The following STAG1 variants were observed in gnomAD, a reference collection of about 807,000 sequenced individuals.
STAG1 encodes cohesin subunit SA-1.
STAG1 carries 26 observed loss-of-function variants against 170.9 expected under a neutral mutation model. That is an observed-to-expected ratio of 0.15 (90% confidence interval 0.11 to 0.21). STAG1 has a LOEUF of 0.21. STAG1 is among the 10% of genes least tolerant of loss of function. The pLI, the probability that STAG1 is intolerant of heterozygous loss-of-function variation, is 1.00. For synonymous variants in STAG1, 514 were observed against 497.7 expected (o/e 1.03, Z -0.44); for missense variants, 964 against 1,509.5 (o/e 0.64, Z 5.99).
At chr3:136,374,979 T>A (rs1937522669) in intron 23 of STAG1, among the ~76,000 whole-genome samples, 2 of 152,172 alleles carry the variant, frequency 1.3e-5, no homozygotes, top group South Asian at 4.1e-4. Flanking sequence ...AGTTGTATTA[T>A]AATTATCTAT....
At position 136,464,895 on chromosome 3, in the gene STAG1, C is replaced by A. The variant is rs1371189484; in HGVS notation, c.1299G>T (p.Glu433Asp). The A allele has an allele frequency of 6.2e-7, 1 of 1,611,240 alleles. No individual in the cohort carries two copies. The highest frequency in any genetic ancestry group is 8.5e-7 in the Non-Finnish European group (1 of 1,178,982). ...AHRPVAVAAG[E>D]FLHKKLFSRH... ...AATTAGCTCACTTTTTGTGAAGGAA[C>A]TCTCCAGCTGCCACAGCAACAGGGC... Residue 433 changes from glutamate to aspartate, a missense_variant, in exon 13 of 34, where the codon GAG becomes GAT. Around this residue, in one of 11 missense-constraint regions of STAG1, gnomAD observed 162 missense variants for 211.2 expected, o/e 0.77. Coordinates refer to ENST00000383202, the MANE Select transcript of STAG1 (RefSeq NM_005862.3).
intron 21 of STAG1, among the ~76,000 whole-genome samples, chr3:136,413,503 G>A (rs1431791864): frequency 6.6e-6 from 1 of 151,570 alleles, no homozygotes; most frequent in Non-Finnish European, 1.5e-5. Context: ...TTGTTGCCCA[G>A]GCTGGAGTGC....
intron 9 of STAG1, among the ~76,000 whole-genome samples, chr3:136,486,449 A>G (rs1331341969): frequency 6.6e-6 from 1 of 152,170 alleles, no homozygotes; most frequent in Non-Finnish European, 1.5e-5. Context: ...AAAAACCAAA[A>G]CACAACTACA....
intron 1 of STAG1, among the ~76,000 whole-genome samples, chr3:136,639,372 A>T (rs959561777): frequency 3.3e-5 from 5 of 152,222 alleles, no homozygotes; most frequent in South Asian, 4.2e-4. Flanking sequence ...TATGATTTTT[A>T]AAAACTACAA....
intron 14 of STAG1, 68 bp downstream of exon 14, chr3:136,451,965 A>G: frequency 9.5e-7 from 1 of 1,050,810 alleles, no homozygotes. Flanking sequence ...GAAAAAAATT[A>G]AAATGAATTG....
At position 136,477,356 on chromosome 3, in the gene STAG1, T is replaced by G. The variant is rs1328533388; in HGVS notation, c.959A>C (p.Lys320Thr). ...ICIEEIGVWMKMYSDAFLNDS... is the reference protein window; with the variant it reads ...ICIEEIGVWMTMYSDAFLNDS... ...ATTTAGGAAGGCATCACTATACATT[T>G]TCATCCATACTCCAATTTCTTCAAT... Residue 320 changes from lysine (K) to threonine (T), a missense_variant, in exon 10 of 34, where the codon AAA becomes ACA. By Grantham distance (78) the Lys-to-Thr change is moderately conservative (BLOSUM62 -1). Around this residue, in one of 11 missense-constraint regions of STAG1, gnomAD observed 57 missense variants for 157.6 expected, o/e 0.36. Transcript: ENST00000383202. 19 of 1,613,246 alleles carry G rather than the reference T, an allele frequency of 1.2e-5. No individual in the cohort carries two copies. The highest frequency in any genetic ancestry group is 1.5e-5 in the Non-Finnish European group (18 of 1,179,682).
chr3:136,490,144 G>A (rs372945246), intron 9 of STAG1, among the ~76,000 whole-genome samples: 48 of 152,126 alleles, frequency 3.2e-4, no homozygotes, highest in Non-Finnish European at 6.2e-4. Context: ...GGGTTCAAGC[G>A]ATTCTCCTGC....
rs574449376 is a variant in STAG1, at chr3:136,518,809, A to C, written c.676+2404T>G. Reference sequence around the variant, plus strand: ...TTTAAATAGGCTACATGATGATACTAATATAAAAAGAACACAGGTGAAAAC... The same window carrying C: ...TTTAAATAGGCTACATGATGATACTCATATAAAAAGAACACAGGTGAAAAC... On this transcript the variant is annotated intron_variant, in intron 7 of 33. Coordinates refer to ENST00000383202, the MANE Select transcript of STAG1 (RefSeq NM_005862.3). 3.3e-5 allele frequency among the ~76,000 whole-genome samples: 5 copies of C among 152,250 alleles called. No homozygotes were observed. In the South Asian group the frequency reaches 8.3e-4, roughly 25 times the overall value.
At chr3:136,543,184 G>A (rs1935988428) in intron 5 of STAG1, among the ~76,000 whole-genome samples, 1 of 152,068 alleles carries the variant, frequency 6.6e-6, no homozygotes, top group African/African-American at 2.4e-5. Flanking sequence ...AGAAAAATAA[G>A]GGAGGCTATA....
intron 1 of STAG1, among the ~76,000 whole-genome samples, chr3:136,686,517 C>T (rs748293562): frequency 6.6e-6 from 1 of 152,170 alleles, no homozygotes; most frequent in African/African-American, 2.4e-5. Flanking sequence ...GCAATCGCCT[C>T]GAACCGTTAG....
chr3:136,712,816 C>A (rs969405172), intron 1 of STAG1, among the ~76,000 whole-genome samples: 1 of 152,210 alleles, frequency 6.6e-6, no homozygotes, highest in Non-Finnish European at 1.5e-5. Flanking sequence ...TGAGGCCGGG[C>A]ACGGTGGCTC....
intron 8 of STAG1, among the ~76,000 whole-genome samples, chr3:136,500,988 G>A (rs902221479): frequency 2.6e-5 from 4 of 152,002 alleles, no homozygotes; most frequent in African/African-American, 9.7e-5. Flanking sequence ...TTACTGTATA[G>A]TAATATTCAG....
intron 6 of STAG1, among the ~76,000 whole-genome samples, chr3:136,541,880 T>G (rs9813691): frequency 0.17 from 26,359 of 152,072 alleles, 2,849 homozygotes; most frequent in Non-Finnish European, 0.24. Context: ...AAGAATCTAC[T>G]TTTACCTCAT....
intron 15 of STAG1, among the ~76,000 whole-genome samples, chr3:136,436,993 A>G (rs1265352524): frequency 2.0e-5 from 3 of 152,246 alleles, no homozygotes; most frequent in Admixed American, 6.5e-5. Flanking sequence ...TTTTTGCTCA[A>G]TAACAACTAA....
At chr3:136,613,478 C>A (rs1260379434) in intron 3 of STAG1, among the ~76,000 whole-genome samples, 1 of 151,956 alleles carries the variant, frequency 6.6e-6, no homozygotes, top group African/African-American at 2.4e-5. Flanking sequence ...TGATTTGAAG[C>A]CTTTAAATAG....
rs191700801 is a variant in STAG1, at chr3:136,340,948, G to T, written c.3558-343C>A. ...TTTTGAGACGGCGTCTTGCTCTGTC[G>T]CTCAGGCTGGAGTGCAGTGGCGTGA... is the stretch of plus-strand genomic sequence containing the variant. On this transcript the variant is annotated intron_variant, in intron 31 of 33. Coordinates refer to ENST00000383202, the MANE Select transcript of STAG1 (RefSeq NM_005862.3). 8.5e-5 allele frequency among the ~76,000 whole-genome samples: 13 copies of T among 152,218 alleles called. No homozygotes were observed. The East Asian group carries it at 2.1e-3, about 25-fold the overall frequency.
intron 7 of STAG1, among the ~76,000 whole-genome samples, chr3:136,520,299 A>C (rs1260861868): frequency 1.3e-5 from 2 of 152,168 alleles, no homozygotes; most frequent in African/African-American, 4.8e-5. Context: ...ACAGTGCTTT[A>C]AATAAATTAG....
chr3:136,751,820 G>C (rs999535603), intron 1 of STAG1, among the ~76,000 whole-genome samples: 1 of 150,900 alleles, frequency 6.6e-6, no homozygotes, highest in African/African-American at 2.4e-5. Flanking sequence ...GGGGGGGGCG[G>C]AGGGCGGGCT....
intron 3 of STAG1, among the ~76,000 whole-genome samples, chr3:136,622,135 TAAA>T (rs75542452): frequency 8.5e-4 from 79 of 92,800 alleles, no homozygotes; most frequent in East Asian, 7.0e-3. Flanking sequence ...CCATCTCTAC[TAAA>T]AAAAAAAAAA....
Sources: gnomAD v4.1 joint callset for allele counts (sites outside exome capture counted in the v4.1 genomes callset) on GRCh38, gnomAD v4.1.1 for gene constraint, gnomAD v4.1.1 regional missense constraint, MANE v1.5 for transcripts, NCBI Gene and HGNC (gene_info 2026-07-23, HGNC 2026-07-21) for gene names.